Variants in ENPP6 observed in about 807,000 individuals in gnomAD.
The protein encoded by ENPP6 is glycerophosphocholine cholinephosphodiesterase ENPP6.
In ENPP6, 32 loss-of-function variants were observed where a neutral mutation model predicts 42.0. The ratio of observed to expected loss-of-function variants is 0.76; its 90% CI spans 0.58 to 1.02. The LOEUF is 1.02. ENPP6 is among the 50% of genes least tolerant of loss of function. The pLI is 0.00. For missense variants in ENPP6, 552 were observed against 566.8 expected (o/e 0.97, Z 0.27); for synonymous variants, 213 against 216.0 (o/e 0.99, Z 0.12).
intron 2 of ENPP6, among the ~76,000 whole-genome samples, chr4:184,143,440 C>T (rs917430697): frequency 5.4e-4 from 82 of 152,340 alleles, no homozygotes; most frequent in African/African-American, 1.9e-3. Context: ...GGCAGCAGCC[C>T]GGCACCAGCT....
intron 1 of ENPP6, among the ~76,000 whole-genome samples, chr4:184,177,132 G>T (rs529346552): frequency 2.6e-4 from 39 of 152,216 alleles, no homozygotes; most frequent in Non-Finnish European, 4.0e-4. Flanking sequence ...CAGGGGGAGG[G>T]GTTGCCACCA....
At position 184,124,740 on chromosome 4, in the gene ENPP6, A is replaced by G. The variant is rs75798876; in HGVS notation, c.422-468T>C. Reference sequence around the variant, plus strand: ...ATATTTTACTATCCTGTGGCATTATACAAAAGCTAACTGGACTTAGAGGTA... The same window carrying G: ...ATATTTTACTATCCTGTGGCATTATGCAAAAGCTAACTGGACTTAGAGGTA... On this transcript the variant is annotated intron_variant, in intron 2 of 7. Coordinates refer to ENST00000296741, the MANE Select transcript of ENPP6 (RefSeq NM_153343.4). 4.1e-4 allele frequency among the ~76,000 whole-genome samples: 62 copies of G among 152,348 alleles called. No individual in the cohort carries two copies. In the East Asian group the frequency reaches 0.012, roughly 29 times the overall value.
chr4:184,166,622 G>A (rs1013066073), intron 1 of ENPP6, among the ~76,000 whole-genome samples: 1 of 152,170 alleles, frequency 6.6e-6, no homozygotes, highest in African/African-American at 2.4e-5. Context: ...AGTTGGAAAA[G>A]AGCAATAATT....
intron 2 of ENPP6, among the ~76,000 whole-genome samples, chr4:184,131,242 TTCTTTCTTTCTCTTTC>T (rs1736621107): frequency 2.7e-5 from 1 of 36,938 alleles, no homozygotes; most frequent in African/African-American, 1.3e-4. Context: ...TTCCTTTTCT[TTCTTTCTTTCTCTTTC>T]TCTTCCTTCC....
At chr4:184,153,435 C>A (rs1249369185) in intron 2 of ENPP6, 119 bp downstream of exon 2, 8 of 1,210,120 alleles carry the variant, frequency 6.6e-6, no homozygotes, top group Non-Finnish European at 7.9e-6. Context: ...ATACATATTT[C>A]TTAAATAAAG....
chr4:184,196,378 A>G (rs1732801948), intron 1 of ENPP6, among the ~76,000 whole-genome samples: 1 of 152,264 alleles, frequency 6.6e-6, no homozygotes, highest in African/African-American at 2.4e-5. Context: ...ATGTCCTGGC[A>G]TCTTAAGAAC....
chr4:184,162,902 A>C (rs1195132819), intron 1 of ENPP6, among the ~76,000 whole-genome samples: 3 of 152,136 alleles, frequency 2.0e-5, no homozygotes, highest in Non-Finnish European at 4.4e-5. Flanking sequence ...GAAGCAACCC[A>C]GGAGGAATGG....
intron 1 of ENPP6, among the ~76,000 whole-genome samples, chr4:184,156,377 A>G (rs1403722493): frequency 6.6e-6 from 1 of 152,156 alleles, no homozygotes; most frequent in Admixed American, 6.6e-5. Context: ...TTGCTCTTTC[A>G]TTTTTATTGC....
chr4:184,112,296 T>G (rs1296366383), intron 6 of ENPP6, among the ~76,000 whole-genome samples: 1 of 152,234 alleles, frequency 6.6e-6, no homozygotes, highest in Non-Finnish European at 1.5e-5. Flanking sequence ...ACATTTCTCT[T>G]GAAGGTGAAA....
intron 1 of ENPP6, among the ~76,000 whole-genome samples, chr4:184,206,577 A>G (rs1039727041): frequency 1.3e-5 from 2 of 152,072 alleles, no homozygotes; most frequent in African/African-American, 4.8e-5. Flanking sequence ...ATTCTGCAGA[A>G]GGCTGAGGAT....
chr4:184,122,949 G>A (rs180711240), intron 3 of ENPP6, among the ~76,000 whole-genome samples: 12 of 152,274 alleles, frequency 7.9e-5, no homozygotes, highest in East Asian at 3.9e-4. Flanking sequence ...AGACTGCAGC[G>A]CAATATACCG....
intron 6 of ENPP6, among the ~76,000 whole-genome samples, chr4:184,109,230 CAACA>C (rs767191626): frequency 1.8e-5 from 2 of 111,102 alleles, no homozygotes; most frequent in South Asian, 3.5e-4. Flanking sequence ...ACAACAACAA[CAACA>C]AAAAAAAACA....
At chr4:184,155,439 G>A (rs1197733508) in intron 1 of ENPP6, among the ~76,000 whole-genome samples, 1 of 152,166 alleles carries the variant, frequency 6.6e-6, no homozygotes, top group East Asian at 1.9e-4. Context: ...GTTCTCTGAT[G>A]CCCTTCCAAG....
chr4:184,120,017 G>C (rs1483613591), intron 3 of ENPP6, among the ~76,000 whole-genome samples: 2 of 152,094 alleles, frequency 1.3e-5, no homozygotes, highest in Admixed American at 6.6e-5. Flanking sequence ...CTACTCAAAG[G>C]GTAACATGGT....
At chr4:184,124,108 T>G in intron 3 of ENPP6, 53 bp downstream of exon 3, 1 of 1,372,896 alleles carries the variant, frequency 7.3e-7, no homozygotes, top group Non-Finnish European at 1.0e-6. Context: ...GGATCCATGA[T>G]CAGTCCTGGA....
rs76671831 is a variant in ENPP6, at chr4:184,159,317, G to A, written c.242-5584C>T. ...TGGAGCATTATCCAACAATAGTAATGCATTAGAAGTTGAACTATATGGGTT... is the reference window on the plus strand; with the variant it reads ...TGGAGCATTATCCAACAATAGTAATACATTAGAAGTTGAACTATATGGGTT... On this transcript the variant is annotated intron_variant, in intron 1 of 7. Coordinates refer to ENST00000296741, the MANE Select transcript of ENPP6 (RefSeq NM_153343.4). Among the ~76,000 whole-genome samples, 929 of 152,310 alleles carry A rather than the reference G, an allele frequency of 6.1e-3. 15 individuals carry two copies. The highest frequency in any genetic ancestry group is 0.021 in the African/African-American group (871 of 41,580).
chr4:184,207,442 C>G (rs1448446759), intron 1 of ENPP6, among the ~76,000 whole-genome samples: 1 of 152,194 alleles, frequency 6.6e-6, no homozygotes, highest in African/African-American at 2.4e-5. Flanking sequence ...TGTTAAACTC[C>G]ACTTCAGTCA....
At chr4:184,189,258 G>A (rs1278701926) in intron 1 of ENPP6, among the ~76,000 whole-genome samples, 1 of 152,156 alleles carries the variant, frequency 6.6e-6, no homozygotes, top group Non-Finnish European at 1.5e-5. Context: ...AAACCAGAGG[G>A]GATGGTGTCC....
At chr4:184,180,868 TAAG>T (rs1732540320) in intron 1 of ENPP6, among the ~76,000 whole-genome samples, 1 of 152,108 alleles carries the variant, frequency 6.6e-6, no homozygotes, top group Non-Finnish European at 1.5e-5. Context: ...CTCAGAATAA[TAAG>T]AGCCATTTAT....
Sources: allele counts gnomAD v4.1 joint callset (sites outside exome capture counted in the v4.1 genomes callset), GRCh38; gene constraint gnomAD v4.1.1; transcripts MANE v1.5; gene names NCBI Gene and HGNC (gene_info 2026-07-23, HGNC 2026-07-21).